HIBADH: variants seen among roughly 807,000 people sequenced by gnomAD.
HIBADH encodes the protein 3-hydroxyisobutyrate dehydrogenase, also known as 3-hydroxyisobutyrate dehydrogenase, mitochondrial.
HIBADH carries 25 observed loss-of-function variants against 36.1 expected under a neutral mutation model. The observed-to-expected ratio is 0.69, with a 90% CI of 0.50 to 0.97. HIBADH has a LOEUF of 0.97. Among genes scored for constraint, HIBADH ranks in the 50% least tolerant of loss-of-function variants. HIBADH has a pLI of 0.00. For synonymous variants in HIBADH, 160 were observed against 149.5 expected (o/e 1.07, Z -0.51); for missense variants, 421 against 418.0 (o/e 1.01, Z -0.06).
chr7:27,649,757 G>T, intron 1 of HIBADH, 124 bp from the exon 2 acceptor site: 1 of 800,804 alleles, frequency 1.2e-6, no homozygotes. Context: ...CAGGAACCAG[G>T]TGCAGTGGTG....
At chr7:27,620,580 A>G (rs1447692927) in intron 4 of HIBADH, among the ~76,000 whole-genome samples, 1 of 152,186 alleles carries the variant, frequency 6.6e-6, no homozygotes, top group African/African-American at 2.4e-5. Flanking sequence ...AAGAAGAAAT[A>G]AAGTCTTCTC....
chr7:27,550,790 G>A (rs1427997585), intron 4 of HIBADH, among the ~76,000 whole-genome samples: 1 of 152,128 alleles, frequency 6.6e-6, no homozygotes, highest in Non-Finnish European at 1.5e-5. Flanking sequence ...CCAGCACATG[G>A]CATGTGTCTG....
intron 4 of HIBADH, among the ~76,000 whole-genome samples, chr7:27,579,443 A>T (rs1003181053): frequency 6.6e-6 from 1 of 152,226 alleles, no homozygotes; most frequent in Non-Finnish European, 1.5e-5. Context: ...CATGAATTCT[A>T]TTTTTACTGT....
chr7:27,585,206 T>C (rs1399279063), intron 4 of HIBADH, among the ~76,000 whole-genome samples: 1 of 151,968 alleles, frequency 6.6e-6, no homozygotes, highest in Non-Finnish European at 1.5e-5. Flanking sequence ...TATGTATGTA[T>C]AAAAGTACGT....
intron 4 of HIBADH, among the ~76,000 whole-genome samples, chr7:27,627,859 T>C (rs1218683018): frequency 1.3e-5 from 2 of 152,132 alleles, no homozygotes; most frequent in African/African-American, 4.8e-5. Context: ...AGTTTAAAAA[T>C]TGCTTGATAA....
intron 1 of HIBADH, among the ~76,000 whole-genome samples, chr7:27,661,904 G>A (rs1260969911): frequency 6.6e-6 from 1 of 152,108 alleles, no homozygotes; most frequent in East Asian, 1.9e-4. Context: ...ACTCATCCAA[G>A]GGGCCTCATG....
At chr7:27,603,910 T>C (rs1583592137) in intron 4 of HIBADH, among the ~76,000 whole-genome samples, 2 of 152,178 alleles carry the variant, frequency 1.3e-5, no homozygotes, top group East Asian at 3.8e-4. Flanking sequence ...ACTGCTAACA[T>C]TTACTTTCTG....
Position 27,538,351 on chromosome 7 carries a change from G to C in HIBADH, c.685C>G (p.Leu229Val). 6.2e-7 allele frequency: 1 copy of C among 1,611,938 alleles called. No homozygotes were observed. Among genetic ancestry groups the C allele is most frequent in the Non-Finnish European group, 8.5e-7 (1 of 1,178,642 alleles). ...TACTATTCAACAAACCTGATTCCAA[G>C]ATTCATAGCTTCAGCAGTTCCAATC... Reference protein sequence around the residue: ...SMIGTAEAMNLGIRLGLDPKL... With the variant: ...SMIGTAEAMNVGIRLGLDPKL... The change falls in exon 6 of 8, where the codon CTT (leucine) becomes GTT (valine). Residue 229 changes from leucine to valine, a missense_variant. Transcript: ENST00000265395.
intron 4 of HIBADH, among the ~76,000 whole-genome samples, chr7:27,572,759 C>T (rs1189867908): frequency 6.6e-6 from 1 of 152,138 alleles, no homozygotes; most frequent in Admixed American, 6.5e-5. Flanking sequence ...ATACAAGGAA[C>T]CCACTCTCAG....
chr7:27,662,499 G>A (rs886348069), intron 1 of HIBADH, among the ~76,000 whole-genome samples, 199 bp downstream of exon 1: 3 of 152,198 alleles, frequency 2.0e-5, no homozygotes, highest in East Asian at 3.9e-4. Context: ...CGGGAGAAAG[G>A]GAGGGAAGGC....
intron 4 of HIBADH, among the ~76,000 whole-genome samples, chr7:27,554,344 T>C (rs1192149870): frequency 6.6e-6 from 1 of 152,220 alleles, no homozygotes; most frequent in East Asian, 1.9e-4. Flanking sequence ...TTGTAATCAT[T>C]ATGTCCTTCT....
chr7:27,572,187 G>A (rs1007232100), intron 4 of HIBADH, among the ~76,000 whole-genome samples: 6 of 152,172 alleles, frequency 3.9e-5, no homozygotes, highest in African/African-American at 7.2e-5. Flanking sequence ...GTCAGCCAGA[G>A]CTTCTGGCTT....
intron 4 of HIBADH, among the ~76,000 whole-genome samples, chr7:27,566,073 T>C (rs927501760): frequency 6.6e-6 from 1 of 152,130 alleles, no homozygotes; most frequent in South Asian, 2.1e-4. Flanking sequence ...TTTCTTAATA[T>C]GTTGATCAGA....
At chr7:27,653,793 G>C (rs1200270620) in intron 1 of HIBADH, among the ~76,000 whole-genome samples, 1 of 151,950 alleles carries the variant, frequency 6.6e-6, no homozygotes, top group African/African-American at 2.4e-5. Context: ...AGAAAAAAGA[G>C]ATATACCTGG....
chr7:27,623,088 G>A (rs1380478971), intron 4 of HIBADH, among the ~76,000 whole-genome samples: 1 of 152,072 alleles, frequency 6.6e-6, no homozygotes, highest in East Asian at 1.9e-4. Flanking sequence ...TTTACACCAG[G>A]GATATAAGGA....
intron 4 of HIBADH, among the ~76,000 whole-genome samples, chr7:27,604,676 C>T (rs1562639856): frequency 6.6e-6 from 1 of 152,120 alleles, no homozygotes; most frequent in East Asian, 1.9e-4. Flanking sequence ...GTCATGAGTA[C>T]CTTTGTCTAG....
intron 4 of HIBADH, among the ~76,000 whole-genome samples, chr7:27,588,354 G>A (rs897751509): frequency 3.9e-5 from 6 of 151,920 alleles, no homozygotes; most frequent in African/African-American, 1.2e-4. Context: ...TAAGAGATAC[G>A]GTCTCACTCT....
At chr7:27,598,851 A>T (rs566209207) in intron 4 of HIBADH, among the ~76,000 whole-genome samples, 2 of 152,232 alleles carry the variant, frequency 1.3e-5, no homozygotes, top group South Asian at 4.2e-4. Flanking sequence ...TGAGGTACAG[A>T]TCTACATCCC....
intron 4 of HIBADH, among the ~76,000 whole-genome samples, chr7:27,552,132 C>A (rs1306849898): frequency 6.6e-6 from 1 of 152,156 alleles, no homozygotes; most frequent in Non-Finnish European, 1.5e-5. Flanking sequence ...AATTAGTTGT[C>A]CTTTCTAGAA....
Sources: allele counts gnomAD v4.1 joint callset (sites outside exome capture counted in the v4.1 genomes callset), GRCh38; gene constraint gnomAD v4.1.1; transcripts MANE v1.5; gene names NCBI Gene and HGNC (gene_info 2026-07-23, HGNC 2026-07-21).